The following STK10 variants were observed in gnomAD, a reference collection of about 807,000 sequenced individuals.
STK10 encodes serine/threonine kinase 10.
A neutral mutation model predicts 113.8 loss-of-function variants in STK10; 78 were observed. That is an observed-to-expected ratio of 0.69 (90% CI 0.57 to 0.83). STK10 has a LOEUF of 0.83. Among genes scored for constraint, STK10 ranks in the 40% least tolerant of loss-of-function variants. The pLI is 0.00. For synonymous variants in STK10, 465 were observed against 494.7 expected, an observed-to-expected ratio of 0.94 and a Z score of 0.80; for missense variants, 1,109 against 1,280.1, an observed-to-expected ratio of 0.87 and a Z score of 2.04.
intron 3 of STK10, among the ~76,000 whole-genome samples, chr5:172,125,340 T>C (rs1228076006): frequency 6.6e-6 from 1 of 152,184 alleles, no homozygotes; most frequent in Non-Finnish European, 1.5e-5. Flanking sequence ...ATCTCCCTTT[T>C]TGACCTACCT....
chr5:172,129,090 G>A (rs997396030), intron 2 of STK10, among the ~76,000 whole-genome samples: 41 of 152,234 alleles, frequency 2.7e-4, no homozygotes, highest in Non-Finnish European at 4.8e-4. Flanking sequence ...CTGAGACTGT[G>A]TCCTCAGCTG....
intron 2 of STK10, among the ~76,000 whole-genome samples, chr5:172,141,935 C>T (rs1045614577): frequency 6.6e-6 from 1 of 152,096 alleles, no homozygotes; most frequent in Admixed American, 6.5e-5. Context: ...CCTGGCAGGC[C>T]GCAACACCTC....
rs373138600 is a variant in STK10 at position 172,042,157 on chromosome 5, TAA to T, written c.*2723_*2724del. ...GAGAACATTTTACAAAAATTTTGTA[TAA>T]AGTCTGGAAACTACATAAAAATAAT... On this transcript the variant is annotated 3_prime_UTR_variant, in exon 19 of 19. Coordinates refer to ENST00000176763, the MANE Select transcript of STK10 (RefSeq NM_005990.4). The T allele has an allele frequency of 6.5e-6, 1 of 152,740 alleles. No individual in the cohort carries two copies. The highest frequency in any genetic ancestry group is 2.4e-5 in the African/African-American group (1 of 41,570). The allele number at this position is 152,740 out of a possible 1,614,324, so 9.5% of individuals were successfully genotyped here.
chr5:172,181,486 A>AT (rs557756323), intron 1 of STK10, among the ~76,000 whole-genome samples: 150 of 144,242 alleles, frequency 1.0e-3, no homozygotes, highest in Middle Eastern at 3.5e-3. Flanking sequence ...ATTTATTTTA[A>AT]TTTTTTTTTT....
In STK10 at chr5:172,087,871, A is replaced by G. The variant is rs570388423; in HGVS notation, c.1685+2361T>C. On this transcript the variant is annotated intron_variant, in intron 10 of 18. Transcript: ENST00000176763. ...TCTCGATCTCCTGACCTCATGATCCACCCGCCTCGGCCTCCCAAAGTGCTG... is the reference window on the plus strand; with the variant it reads ...TCTCGATCTCCTGACCTCATGATCCGCCCGCCTCGGCCTCCCAAAGTGCTG... 1.0e-3 allele frequency among the ~76,000 whole-genome samples: 133 copies of G among 133,336 alleles called. 20 individuals carry two copies. Among genetic ancestry groups the G allele is most frequent in the African/African-American group, 3.8e-3 (125 of 32,948 alleles). 87.5% of individuals were successfully genotyped at this position (133,336 alleles called of 152,430 possible). A position where few individuals can be genotyped will look rare whatever the true frequency, so the allele number is the denominator to read the frequency against.
intron 6 of STK10, 56 bp downstream of exon 6, chr5:172,106,564 C>T: frequency 1.3e-6 from 2 of 1,540,282 alleles, no homozygotes; most frequent in Non-Finnish European, 1.8e-6. Context: ...ACCACATATT[C>T]CAGCCCTAAT....
chr5:172,176,213 T>C (rs1186099531), intron 1 of STK10, among the ~76,000 whole-genome samples: 1 of 152,218 alleles, frequency 6.6e-6, no homozygotes, highest in African/African-American at 2.4e-5. Flanking sequence ...TCACACAGCC[T>C]GCAAGAGGTA....
At chr5:172,101,970 G>A (rs1353554543) in intron 7 of STK10, among the ~76,000 whole-genome samples, 2 of 151,936 alleles carry the variant, frequency 1.3e-5, no homozygotes, top group African/African-American at 2.4e-5. Context: ...CAGCAGGGTG[G>A]GGGGGGCGGA....
At chr5:172,074,055 A>C (rs55766653) in intron 12 of STK10, among the ~76,000 whole-genome samples, 10 of 151,918 alleles carry the variant, frequency 6.6e-5, no homozygotes, top group African/African-American at 2.2e-4. Context: ...AGGAAATGTA[A>C]CAAAGAAGAC....
chr5:172,076,187 T>G (rs1768301935), intron 12 of STK10, among the ~76,000 whole-genome samples: 1 of 134,404 alleles, frequency 7.4e-6, no homozygotes, highest in Non-Finnish European at 1.6e-5. Flanking sequence ...GCGTTAGTTG[T>G]GGGGGCTGTC....
At position 172,162,702 on chromosome 5, in the gene STK10, A is replaced by G. The variant is rs539320649; in HGVS notation, c.157-5914T>C. ...AGAGCCAGGGCCAGTGACCAAGGCA[A>G]CCACCTTGACCATGCTGAGCTGGCC... On this transcript the variant is annotated intron_variant, in intron 1 of 18. Transcript: ENST00000176763. Among the ~76,000 whole-genome samples the G allele has an allele frequency of 5.2e-4, 79 of 152,306 alleles. 1 individual carries two copies. The highest frequency in any genetic ancestry group is 1.9e-3 in the African/African-American group (77 of 41,572).
chr5:172,101,054 G>A (rs58020001), intron 7 of STK10, among the ~76,000 whole-genome samples: 2,164 of 151,668 alleles, frequency 0.014, 51 homozygotes, highest in African/African-American at 0.05. Context: ...CTGCTCAACA[G>A]AGAGCTGAAC....
intron 1 of STK10, among the ~76,000 whole-genome samples, chr5:172,163,842 A>G (rs1445866432): frequency 2.0e-5 from 3 of 152,112 alleles, no homozygotes; most frequent in Non-Finnish European, 4.4e-5. Flanking sequence ...CTAAAATACA[A>G]TATCTAGAAG....
chr5:172,063,777 G>A (rs1352776205), intron 13 of STK10, among the ~76,000 whole-genome samples: 1 of 152,178 alleles, frequency 6.6e-6, no homozygotes, highest in Admixed American at 6.5e-5. Context: ...CCTCTTCTGC[G>A]AATGGGAAAA....
At chr5:172,145,127 G>A (rs1345775491) in intron 2 of STK10, among the ~76,000 whole-genome samples, 2 of 152,174 alleles carry the variant, frequency 1.3e-5, no homozygotes. Context: ...GAGAGACAAA[G>A]GCAGTTCTGT....
rs550952297 is a variant in STK10, at chr5:172,078,263, A to G, written c.1989+4063T>C. On this transcript the variant is annotated intron_variant, in intron 12 of 18. Coordinates refer to ENST00000176763, the MANE Select transcript of STK10 (RefSeq NM_005990.4). Reference sequence around the variant, plus strand: ...TGGCCTCCTGCCATCGCTGTGTTACATAAGTAAACTGCAGAATCAAAGCAA... The same window carrying G: ...TGGCCTCCTGCCATCGCTGTGTTACGTAAGTAAACTGCAGAATCAAAGCAA... 1.4e-4 allele frequency among the ~76,000 whole-genome samples: 22 copies of G among 152,340 alleles called. No homozygotes were observed. The East Asian group carries it at 3.3e-3, about 23-fold the overall frequency.
intron 2 of STK10, among the ~76,000 whole-genome samples, chr5:172,141,043 A>G (rs1270168520): frequency 6.6e-6 from 1 of 152,230 alleles, no homozygotes; most frequent in African/African-American, 2.4e-5. Context: ...TTCCACTTAA[A>G]TGAGGAATCT....
intron 18 of STK10, among the ~76,000 whole-genome samples, chr5:172,049,960 G>A (rs1374074941): frequency 6.6e-6 from 1 of 152,150 alleles, no homozygotes; most frequent in African/African-American, 2.4e-5. Context: ...GCACCACCAT[G>A]TCTGGCTAAT....
chr5:172,149,573 G>A (rs996517485), intron 2 of STK10, among the ~76,000 whole-genome samples: 4 of 129,268 alleles, frequency 3.1e-5, no homozygotes, highest in Non-Finnish European at 4.9e-5. Context: ...AATCCAGAGA[G>A]AGGGCAGGGG....
Sources: allele counts gnomAD v4.1 joint callset (sites outside exome capture counted in the v4.1 genomes callset), GRCh38; gene constraint gnomAD v4.1.1; transcripts MANE v1.5; gene names NCBI Gene and HGNC (gene_info 2026-07-23, HGNC 2026-07-21).